Variants in SSRP1 observed in about 807,000 individuals in gnomAD.
SSRP1 encodes the protein structure specific recognition protein 1, also known as FACT complex subunit SSRP1.
A neutral mutation model predicts 84.4 loss-of-function variants in SSRP1; 21 were observed. The observed-to-expected ratio is 0.25, with a 90% confidence interval of 0.18 to 0.36. The LOEUF is 0.36. Among genes scored for constraint, SSRP1 ranks in the 10% least tolerant of loss-of-function variants. The pLI is 1.00. For synonymous variants in SSRP1, 319 were observed against 318.3 expected, an observed-to-expected ratio of 1.00 and a Z score of -0.02; for missense variants, 519 against 900.8, an observed-to-expected ratio of 0.58 and a Z score of 5.43.
At chr11:57,331,980 C>G in intron 8 of SSRP1, 91 bp from the exon 9 acceptor site, 4 of 1,493,398 alleles carry the variant, frequency 2.7e-6, no homozygotes, top group Non-Finnish European at 3.7e-6. Context: ...CTCATGTCCT[C>G]GACTAAGTAA....
chr11:57,332,145 C>T lies in SSRP1; in HGVS notation c.1001+7G>A, dbSNP rs764798324. 2 of 1,613,490 alleles carry T rather than the reference C, an allele frequency of 1.2e-6. No homozygotes were observed. The highest frequency in any genetic ancestry group is 1.1e-5 in the South Asian group (1 of 91,036). ...GGCAGGGCAGGATCCCAGGCCCACA[C>T]TCTCACCCTTGGAAGTTGCCTGGCA... On this transcript the variant is annotated splice_region_variant and intron_variant, in intron 8 of 16. Transcript: ENST00000278412. This position sits in a 1 kb window ranked among gnomAD's most constrained non-coding sequence, Gnocchi z 5.5.
chr11:57,332,181 G>A lies in SSRP1; in HGVS notation c.972C>T (p.Arg324=). Residue 324 remains arginine (R), a synonymous_variant, in exon 8 of 17, where the codon CGC becomes CGT. Coordinates refer to ENST00000278412, the MANE Select transcript of SSRP1 (RefSeq NM_003146.3). The surrounding 1 kb of genome is among the most constrained non-coding windows in gnomAD (Gnocchi z 5.5). ...GGAAGTTGCCTGGCACTGTGATCTT[G>A]CGGTTTACCAGTGCTTTCATGACCC... ...VSRVMKALVN[R]KITVPGNFQG... is the part of the protein sequence containing the mutation. 6.2e-7 allele frequency: 1 copy of A among 1,613,888 alleles called. No homozygotes were observed. The highest frequency in any genetic ancestry group is 8.5e-7 in the Non-Finnish European group (1 of 1,180,008).
chr11:57,328,184 G>T, intron 13 of SSRP1, 113 bp downstream of exon 13: 1 of 1,486,188 alleles, frequency 6.7e-7, no homozygotes, highest in Non-Finnish European at 9.0e-7. Flanking sequence ...ATAAAAAACA[G>T]CCCCAAGGAA....
At position 57,335,316 on chromosome 11, in the gene SSRP1, T is replaced by C; in HGVS notation, c.-119-76A>G. The stretch of plus-strand genomic sequence containing the variant: ...CTCACGGATGGAGCCAGGTAGCAAC[T>C]CCCAGCTGCGCCTGGATGTCTCAGG... On this transcript the variant is annotated intron_variant, in intron 1 of 16. Transcript: ENST00000278412. The surrounding 1 kb of genome is among the most constrained non-coding windows in gnomAD (Gnocchi z 4.6). 1 of 600,584 alleles carries C rather than the reference T, an allele frequency of 1.7e-6. No individual in the cohort carries two copies. The highest frequency in any genetic ancestry group is 3.0e-6 in the Non-Finnish European group (1 of 332,036). The allele number at this position is 600,584 out of a possible 1,614,324, so 37.2% of individuals were successfully genotyped here.
Position 57,327,812 on chromosome 11 carries a change from C to G in SSRP1, c.1682G>C (p.Ser561Thr), listed in dbSNP as rs757908662. ...ATGGTCTGACTTGATCTTCTCTCGGCTGGCATTGAGCCACAGCATGTATGC... is the reference window on the plus strand; with the variant it reads ...ATGGTCTGACTTGATCTTCTCTCGGGTGGCATTGAGCCACAGCATGTATGC... Reference protein sequence around the residue: ...MSAYMLWLNASREKIKSDHPG... With the variant: ...MSAYMLWLNATREKIKSDHPG... The change falls in exon 14 of 17, where the codon AGC becomes ACC. Residue 561 changes from serine (S) to threonine (T), a missense_variant. By Grantham distance (58) the Ser-to-Thr change is moderately conservative. Coordinates refer to ENST00000278412, the MANE Select transcript of SSRP1 (RefSeq NM_003146.3). 57 of 1,614,082 alleles carry G rather than the reference C, an allele frequency of 3.5e-5. No individual in the cohort carries two copies. In the Middle Eastern group the frequency reaches 1.8e-3, roughly 51 times the overall value.
In SSRP1 at chr11:57,332,733, G is replaced by A. The variant is rs150314610; in HGVS notation, c.660C>T (p.Pro220=). ...TCTTGCCATGCAGGTGCAGAAAGGT[G>A]GGGTAGATCCGAATGTCATAACGAC... The part of the protein sequence containing the change: ...PRGRYDIRIY[P]TFLHLHGKTF... Residue 220 remains proline (P), a synonymous_variant, in exon 6 of 17, where the codon CCC becomes CCT. Coordinates refer to ENST00000278412, the MANE Select transcript of SSRP1 (RefSeq NM_003146.3). This position sits in a 1 kb window ranked among gnomAD's most constrained non-coding sequence, Gnocchi z 5.5. 169 of 1,614,008 alleles carry A rather than the reference G, an allele frequency of 1.0e-4. No homozygotes were observed. Among genetic ancestry groups the A allele is most frequent in the Non-Finnish European group, 1.2e-4 (147 of 1,180,052 alleles).
chr11:57,328,028 G>T, intron 13 of SSRP1, 146 bp from the exon 14 acceptor site: 4 of 1,036,958 alleles, frequency 3.9e-6, no homozygotes, highest in South Asian at 3.3e-5. Context: ...GGCAAGGATA[G>T]TATCTCCTTC....
At chr11:57,329,772 C>T (rs1856053188) in intron 12 of SSRP1, 2 of 442,656 alleles carry the variant, frequency 4.5e-6, no homozygotes, top group Admixed American at 3.9e-5. Context: ...CAATGACTTA[C>T]TCGACAACCC....
In SSRP1 at chr11:57,331,898, G is replaced by C; in HGVS notation, c.1002-9C>G. ...ACTGGGCCCCTGAGTGCCTGACAGA[G>C]GGTGCAGGGAGCCTGGTTAGTGCCA... On this transcript the variant is annotated splice_polypyrimidine_tract_variant and intron_variant, in intron 8 of 16. Transcript: ENST00000278412. The C allele has an allele frequency of 1.2e-6, 2 of 1,607,410 alleles. No homozygotes were observed. Among genetic ancestry groups the C allele is most frequent in the Non-Finnish European group, 8.5e-7 (1 of 1,176,948 alleles).
At position 57,330,952 on chromosome 11, in the gene SSRP1, ACC is replaced by A; in HGVS notation, c.1224-27_1224-26del. 1.2e-6 allele frequency: 2 copies of A among 1,613,496 alleles called. No homozygotes were observed. Among genetic ancestry groups the A allele is most frequent in the Non-Finnish European group, 1.7e-6 (2 of 1,179,450 alleles). On this transcript the variant is annotated intron_variant, in intron 9 of 16. Transcript: ENST00000278412. This position sits in a 1 kb window ranked among gnomAD's most constrained non-coding sequence, Gnocchi z 4.0. ...CCTGTGAGGGGACATGCACCATGTT[ACC>A]AGAGAGGTAGTGCCAACACAGGGGC...
intron 4 of SSRP1, 59 bp downstream of exon 4, chr11:57,333,376 A>T: frequency 6.9e-7 from 1 of 1,439,450 alleles, no homozygotes; most frequent in South Asian, 1.2e-5. Flanking sequence ...AAACAAGTAA[A>T]AGGCTGAAAC....
rs755775968 is a variant in SSRP1, at chr11:57,333,521, T to C, written c.260A>G (p.Asp87Gly). Reference protein sequence around the residue: ...FRESEFEKLSDFFKTHYRLEL... With the variant: ...FRESEFEKLSGFFKTHYRLEL... ...AAGGCGATAGTGAGTTTTGAAGAAATCAGAGAGTTTCTCAAACTCCTGTGG... is the reference window on the plus strand; with the variant it reads ...AAGGCGATAGTGAGTTTTGAAGAAACCAGAGAGTTTCTCAAACTCCTGTGG... Residue 87 changes from aspartate (D) to glycine (G), a missense_variant, in exon 4 of 17, where the codon GAT becomes GGT. This residue lies in a region of SSRP1 where 88 missense variants were observed against 122.0 expected (regional missense o/e 0.72). Coordinates refer to ENST00000278412, the MANE Select transcript of SSRP1 (RefSeq NM_003146.3). 3.7e-6 allele frequency: 6 copies of C among 1,613,832 alleles called. No individual in the cohort carries two copies.
At chr11:57,334,770 C>G in intron 2 of SSRP1, 122 bp from the exon 3 acceptor site, 1 of 1,197,148 alleles carries the variant, frequency 8.4e-7, no homozygotes, top group South Asian at 1.4e-5. Context: ...GCAGGAGCAA[C>G]AGCTGAGGGT....
chr11:57,333,600 T>C, intron 3 of SSRP1, 60 bp from the exon 4 acceptor site: 1 of 1,211,460 alleles, frequency 8.3e-7, no homozygotes, highest in Non-Finnish European at 1.2e-6. Flanking sequence ...AACACCGACT[T>C]GAATGTCCTG....
Position 57,327,593 on chromosome 11 carries a change from T to A in SSRP1, c.1783-79A>T, listed in dbSNP as rs1856010977. 4 of 1,604,380 alleles carry A rather than the reference T, an allele frequency of 2.5e-6. No individual in the cohort carries two copies. The East Asian group carries it at 6.7e-5, about 27-fold the overall frequency. On this transcript the variant is annotated intron_variant, in intron 14 of 16. Coordinates refer to ENST00000278412, the MANE Select transcript of SSRP1 (RefSeq NM_003146.3). ...TCTCCCCTGATGCAGGCAAAATCGA[T>A]ACAGAAAGTCCCACCAATGGCTCAT...
intron 3 of SSRP1, among the ~76,000 whole-genome samples, chr11:57,334,085 G>A (rs935709842): frequency 2.6e-5 from 4 of 152,158 alleles, no homozygotes; most frequent in African/African-American, 9.7e-5. Context: ...CCCAGGAGGC[G>A]GAGGCTGCAG....
At chr11:57,331,223 G>A (rs932579696) in intron 9 of SSRP1, among the ~76,000 whole-genome samples, 6 of 152,186 alleles carry the variant, frequency 3.9e-5, no homozygotes, top group African/African-American at 1.4e-4. Flanking sequence ...GGCAGGGGAC[G>A]TGGTCATCTT....
At position 57,330,621 on chromosome 11, in the gene SSRP1, C is replaced by T; in HGVS notation, c.1297-192G>A. On this transcript the variant is annotated intron_variant, in intron 10 of 16. Transcript: ENST00000278412. The surrounding 1 kb of genome is among the most constrained non-coding windows in gnomAD (Gnocchi z 4.0). The stretch of plus-strand genomic sequence containing the variant: ...TCCTGCCAACTGGGTTAGTCCAAGC[C>T]CCAAGCCCCTCCCTCTCCCAGCCCC... The T allele has an allele frequency of 7.0e-7, 1 of 1,438,588 alleles. No individual in the cohort carries two copies. Among genetic ancestry groups the T allele is most frequent in the Non-Finnish European group, 9.1e-7 (1 of 1,099,916 alleles). The allele number at this position is 1,438,588 out of a possible 1,614,324, so 89.1% of individuals were successfully genotyped here.
chr11:57,333,680 G>A (rs1211962997), intron 3 of SSRP1, 140 bp from the exon 4 acceptor site: 2 of 636,846 alleles, frequency 3.1e-6, no homozygotes, highest in Middle Eastern at 3.0e-4. Context: ...TAGCAACCCA[G>A]CTCATGGTAA....
Sources: allele counts gnomAD v4.1 joint callset (sites outside exome capture counted in the v4.1 genomes callset), GRCh38; gene constraint gnomAD v4.1.1; regional missense constraint gnomAD v4.1.1; non-coding constraint Gnocchi (gnomAD v3.1); transcripts MANE v1.5; gene names NCBI Gene and HGNC (gene_info 2026-07-23, HGNC 2026-07-21).